RMC1: variants seen among roughly 807,000 people sequenced by gnomAD.
RMC1 encodes regulator of MON1-CCZ1 complex.
RMC1 carries 44 observed loss-of-function variants against 95.5 expected under a neutral mutation model. The observed-to-expected ratio is 0.46, with a 90% CI of 0.36 to 0.59. The LOEUF (loss-of-function observed/expected upper bound fraction) is 0.59. RMC1 is among the 20% of genes least tolerant of loss of function. RMC1 has a pLI of 0.00. For missense variants in RMC1, 705 were observed against 819.6 expected, an observed-to-expected ratio of 0.86 and a Z score of 1.71; for synonymous variants, 320 against 303.6, an observed-to-expected ratio of 1.05 and a Z score of -0.56.
Position 23,512,450 on chromosome 18 carries a change from G to A in RMC1, c.408+3171G>A, listed in dbSNP as rs537242134. 1.1e-4 allele frequency among the ~76,000 whole-genome samples: 16 copies of A among 151,626 alleles called. No homozygotes were observed. In the East Asian group the frequency reaches 3.1e-3, roughly 30 times the overall value. On this transcript the variant is annotated intron_variant, in intron 5 of 19. Coordinates refer to ENST00000269221, the MANE Select transcript of RMC1 (RefSeq NM_013326.5). Reference sequence around the variant, plus strand: ...TTTTGTAATAATTATTTTGAGACAGGATCTCTGTCACCCAGGCTGGAGTAC... The same window carrying A: ...TTTTGTAATAATTATTTTGAGACAGAATCTCTGTCACCCAGGCTGGAGTAC...
chr18:23,528,076 A>G, intron 14 of RMC1, 175 bp downstream of exon 14: 3 of 555,690 alleles, frequency 5.4e-6, no homozygotes, highest in Non-Finnish European at 3.1e-6. Context: ...TAGTAAATTC[A>G]GGGTCCCTGC....
At chr18:23,531,438 A>G (rs748427800) in intron 19 of RMC1, 187 bp from the exon 20 acceptor site, 1 of 1,244,442 alleles carries the variant, frequency 8.0e-7, no homozygotes, top group Middle Eastern at 2.1e-4. Flanking sequence ...CAGGTTAGAT[A>G]GAATCTCTTC....
At chr18:23,518,014 A>G (rs1192238250) in intron 7 of RMC1, among the ~76,000 whole-genome samples, 4 of 152,188 alleles carry the variant, frequency 2.6e-5, no homozygotes, top group Non-Finnish European at 4.4e-5. Flanking sequence ...CGCCGTGCCC[A>G]GCCAGCATTC....
At chr18:23,525,392 C>T (rs34804160) in intron 12 of RMC1, among the ~76,000 whole-genome samples, 27 of 152,016 alleles carry the variant, frequency 1.8e-4, no homozygotes, top group African/African-American at 5.6e-4. Context: ...GGCCTACAGG[C>T]GCACATCACC....
At chr18:23,517,964 C>T (rs1020785025) in intron 7 of RMC1, among the ~76,000 whole-genome samples, 3 of 152,314 alleles carry the variant, frequency 2.0e-5, no homozygotes, top group Admixed American at 6.5e-5. Context: ...GTGATCCTCC[C>T]GCCTCATCCT....
intron 10 of RMC1, among the ~76,000 whole-genome samples, chr18:23,521,349 A>C (rs1328935284): frequency 1.3e-5 from 2 of 152,228 alleles, no homozygotes; most frequent in Admixed American, 1.3e-4. Flanking sequence ...TACACCCGTA[A>C]CGTTTTCTGT....
intron 9 of RMC1, among the ~76,000 whole-genome samples, 188 bp from the exon 10 acceptor site, chr18:23,520,014 G>A (rs1304896468): frequency 1.3e-5 from 2 of 152,188 alleles, no homozygotes; most frequent in Non-Finnish European, 2.9e-5. Flanking sequence ...CTTGTGAGAG[G>A]AGATAAAAAT....
At chr18:23,524,992 G>A (rs2058254216) in intron 12 of RMC1, among the ~76,000 whole-genome samples, 1 of 142,606 alleles carries the variant, frequency 7.0e-6, no homozygotes, top group South Asian at 2.2e-4. Flanking sequence ...CGTTGCCCAG[G>A]CTGGAGTGCA....
In RMC1 at chr18:23,520,165, T is replaced by C. The variant is rs773334610; in HGVS notation, c.850-37T>C. The C allele has an allele frequency of 2.2e-5, 34 of 1,513,234 alleles. No individual in the cohort carries two copies. The East Asian group carries it at 7.2e-4, about 32-fold the overall frequency. The allele number at this position is 1,513,234 out of a possible 1,614,324, so 93.7% of individuals were successfully genotyped here. ...ATGAAAGCAACTGGGCAAACCATGA[T>C]TGATTTTGGCCTCAGTCTTGTCTTT... is the stretch of plus-strand genomic sequence containing the variant. On this transcript the variant is annotated intron_variant, in intron 9 of 19. Transcript: ENST00000269221.
chr18:23,503,587 CCGGGGCCCCCGCCGCGGG>C lies in RMC1; in HGVS notation c.-29_-12del. 6.6e-7 allele frequency: 1 copy of C among 1,525,038 alleles called. No homozygotes were observed. The highest frequency in any genetic ancestry group is 1.2e-5 in the South Asian group (1 of 84,584). 94.5% of individuals were successfully genotyped at this position (1,525,038 alleles called of 1,614,324 possible). A position where few individuals can be genotyped will look rare whatever the true frequency, so the allele number is the denominator to read the frequency against. On this transcript the variant is annotated 5_prime_UTR_variant, in exon 1 of 20. Coordinates refer to ENST00000269221, the MANE Select transcript of RMC1 (RefSeq NM_013326.5). ...TCCTGCTCCACTCTGGCGACCGCCCCCGGGGCCCCCGCCGCGGGCGCGGCGCCCGCCATGGGCGAGGAG... is the reference window on the plus strand; with the variant it reads ...TCCTGCTCCACTCTGGCGACCGCCCCCGCGGCGCCCGCCATGGGCGAGGAG...
chr18:23,520,226 T>A lies in RMC1; in HGVS notation c.874T>A (p.Leu292Ile), dbSNP rs1567924388. ...GACATCGGTAATATTCGATATCAAG[T>A]TACGGGGAGAGTTTGACGGCTCCGT... is the stretch of plus-strand genomic sequence containing the variant. ...TETSVIFDIKLRGEFDGSVTF... is the reference protein window; with the variant it reads ...TETSVIFDIKIRGEFDGSVTF... Residue 292 changes from leucine (L) to isoleucine (I), a missense_variant, in exon 10 of 20, where the codon TTA becomes ATA. Physicochemically the swap from Leu to Ile is conservative, Grantham distance 5. Transcript: ENST00000269221. 6.2e-7 allele frequency: 1 copy of A among 1,614,104 alleles called. No individual in the cohort carries two copies. The highest frequency in any genetic ancestry group is 8.5e-7 in the Non-Finnish European group (1 of 1,179,996).
chr18:23,509,466 C>A (rs942712749), intron 5 of RMC1, 187 bp downstream of exon 5: 5 of 277,776 alleles, frequency 1.8e-5, no homozygotes, highest in Non-Finnish European at 2.6e-5. Flanking sequence ...AACTCCTGGG[C>A]TCAAGCAATC....
At chr18:23,525,003 A>G (rs1219518368) in intron 12 of RMC1, among the ~76,000 whole-genome samples, 31 of 139,476 alleles carry the variant, frequency 2.2e-4, no homozygotes, top group African/African-American at 8.3e-4. Flanking sequence ...CTGGAGTGCA[A>G]TGGCGTGATC....
chr18:23,531,170 T>C (rs780939950), intron 19 of RMC1, among the ~76,000 whole-genome samples: 9 of 152,140 alleles, frequency 5.9e-5, no homozygotes, highest in Non-Finnish European at 1.2e-4. Flanking sequence ...TTTGTATTTT[T>C]AGTAGAGATG....
chr18:23,521,064 A>G (rs868506677), intron 10 of RMC1, among the ~76,000 whole-genome samples: 28 of 152,138 alleles, frequency 1.8e-4, no homozygotes, highest in African/African-American at 6.3e-4. Flanking sequence ...CATGTTGGCC[A>G]GACTGGTCTT....
intron 19 of RMC1, 91 bp downstream of exon 19, chr18:23,530,703 C>T: frequency 2.4e-6 from 3 of 1,245,864 alleles, no homozygotes; most frequent in Non-Finnish European, 1.1e-6. Context: ...CCTGGGTTAG[C>T]ATTTTTGTAA....
intron 2 of RMC1, among the ~76,000 whole-genome samples, chr18:23,504,989 G>T (rs1415054523): frequency 2.6e-5 from 4 of 152,156 alleles, no homozygotes; most frequent in Non-Finnish European, 4.4e-5. Context: ...GCTTACAGAA[G>T]GTGAAAGTAT....
intron 13 of RMC1, among the ~76,000 whole-genome samples, 179 bp from the exon 14 acceptor site, chr18:23,527,616 G>A (rs2058343628): frequency 1.7e-5 from 2 of 114,586 alleles, no homozygotes; most frequent in Non-Finnish European, 1.7e-5. Flanking sequence ...TTTTTTAACC[G>A]TAACCAGAAA....
At position 23,531,808 on chromosome 18, in the gene RMC1, A is replaced by G; in HGVS notation, c.*104A>G. The G allele has an allele frequency of 6.6e-7, 1 of 1,512,022 alleles. No individual in the cohort carries two copies. The highest frequency in any genetic ancestry group is 2.4e-5 in the East Asian group (1 of 42,442). 93.7% of individuals were successfully genotyped at this position (1,512,022 alleles called of 1,614,324 possible). ...TGTTATAAAGTGTATCTACAACCTC[A>G]ACTGTCACTAAAAATATGGTATAGA... is the stretch of plus-strand genomic sequence containing the variant. On this transcript the variant is annotated 3_prime_UTR_variant, in exon 20 of 20. Coordinates refer to ENST00000269221, the MANE Select transcript of RMC1 (RefSeq NM_013326.5).
Sources: allele counts gnomAD v4.1 joint callset (sites outside exome capture counted in the v4.1 genomes callset), GRCh38; gene constraint gnomAD v4.1.1; transcripts MANE v1.5; gene names NCBI Gene and HGNC (gene_info 2026-07-23, HGNC 2026-07-21).